Variants in ETV1 observed in about 807,000 individuals in gnomAD.
The protein encoded by ETV1 is ETS translocation variant 1.
A neutral mutation model predicts 62.3 loss-of-function variants in ETV1; 27 were observed. That is an observed-to-expected ratio of 0.43 (90% CI 0.32 to 0.60). The LOEUF (loss-of-function observed/expected upper bound fraction) is 0.60, where lower values mean the gene tolerates loss of function less well. Among genes scored for constraint, ETV1 ranks in the 20% least tolerant of loss-of-function variants. The pLI is 0.06. For synonymous variants in ETV1, 222 were observed against 199.6 expected (o/e 1.11, Z -0.94); for missense variants, 605 against 605.8 (o/e 1.00, Z 0.01).
At chr7:13,970,473 T>C (rs371773151) in intron 6 of ETV1, among the ~76,000 whole-genome samples, 17 of 152,280 alleles carry the variant, frequency 1.1e-4, no homozygotes, top group African/African-American at 4.1e-4. Flanking sequence ...TTTGGTAACA[T>C]GTTTAAATAT....
At chr7:13,913,131 G>C (rs931288278) in intron 9 of ETV1, among the ~76,000 whole-genome samples, 1 of 152,200 alleles carries the variant, frequency 6.6e-6, no homozygotes, top group Non-Finnish European at 1.5e-5. Context: ...CGACTTCAAA[G>C]GCAAATGTTT....
chr7:13,950,544 T>C (rs982859039), intron 6 of ETV1, among the ~76,000 whole-genome samples: 1 of 152,150 alleles, frequency 6.6e-6, no homozygotes, highest in African/African-American at 2.4e-5. Flanking sequence ...GAGGACAGAC[T>C]GGTGGCCTTC....
intron 8 of ETV1, among the ~76,000 whole-genome samples, chr7:13,935,485 T>G (rs1786697341): frequency 6.6e-6 from 1 of 152,184 alleles, no homozygotes; most frequent in Non-Finnish European, 1.5e-5. Flanking sequence ...TAATTTTCCA[T>G]TTTAGCAACC....
intron 5 of ETV1, among the ~76,000 whole-genome samples, chr7:13,980,593 C>A (rs778895997): frequency 1.4e-4 from 21 of 151,988 alleles, no homozygotes; most frequent in Non-Finnish European, 2.8e-4. Flanking sequence ...AAAGTATATA[C>A]CAAAAGACCA....
intron 4 of ETV1, 84 bp from the exon 5 acceptor site, chr7:13,986,769 A>G: frequency 9.8e-7 from 1 of 1,017,330 alleles, no homozygotes; most frequent in Non-Finnish European, 1.5e-6. Context: ...TGAAATTGGT[A>G]TTAAATATAA....
chr7:13,933,170 A>G (rs1786386370), intron 8 of ETV1, among the ~76,000 whole-genome samples: 1 of 152,252 alleles, frequency 6.6e-6, no homozygotes, highest in South Asian at 2.1e-4. Flanking sequence ...TCACTTGTGA[A>G]GCCTTAAAAG....
intron 6 of ETV1, among the ~76,000 whole-genome samples, chr7:13,943,817 C>G (rs1319059867): frequency 1.3e-5 from 2 of 152,052 alleles, no homozygotes; most frequent in South Asian, 4.2e-4. Flanking sequence ...TAAAATTCAT[C>G]AAACTATGCA....
intron 9 of ETV1, among the ~76,000 whole-genome samples, chr7:13,922,595 CCAAAA>C (rs1181506061): frequency 6.6e-6 from 1 of 151,988 alleles, no homozygotes; most frequent in Admixed American, 6.6e-5. Context: ...AACACATCAG[CCAAAA>C]CAAAACAAGA....
At chr7:13,955,383 C>CT (rs1019005939) in intron 6 of ETV1, among the ~76,000 whole-genome samples, 1 of 151,870 alleles carries the variant, frequency 6.6e-6, no homozygotes, top group Non-Finnish European at 1.5e-5. Flanking sequence ...GGCAGGGCCA[C>CT]TTTTTTTTAA....
At chr7:13,902,302 G>T (rs1782522108) in intron 12 of ETV1, among the ~76,000 whole-genome samples, 1 of 151,480 alleles carries the variant, frequency 6.6e-6, no homozygotes, top group South Asian at 2.1e-4. Context: ...ACCGATCCTA[G>T]CTATTTTCCC....
chr7:13,955,804 T>C (rs1789366527), intron 6 of ETV1, among the ~76,000 whole-genome samples: 1 of 152,166 alleles, frequency 6.6e-6, no homozygotes, highest in Non-Finnish European at 1.5e-5. Context: ...TAGCATATTA[T>C]GAGTAATTTT....
intron 5 of ETV1, among the ~76,000 whole-genome samples, chr7:13,978,779 T>C (rs1464042709): frequency 1.3e-5 from 2 of 152,016 alleles, no homozygotes; most frequent in African/African-American, 4.8e-5. Context: ...TAGTTTAATA[T>C]TATTCTTTAA....
intron 6 of ETV1, among the ~76,000 whole-genome samples, chr7:13,960,804 T>C (rs978399012): frequency 6.6e-6 from 1 of 152,176 alleles, no homozygotes; most frequent in Non-Finnish European, 1.5e-5. Flanking sequence ...ACTCAAATTC[T>C]GATTTGTTTT....
At chr7:13,955,827 A>C (rs887588873) in intron 6 of ETV1, among the ~76,000 whole-genome samples, 1 of 151,390 alleles carries the variant, frequency 6.6e-6, no homozygotes, top group Non-Finnish European at 1.5e-5. Context: ...TGATTTCTTA[A>C]AACACTCATT....
At chr7:13,916,854 C>T (rs564437563) in intron 9 of ETV1, among the ~76,000 whole-genome samples, 19 of 150,998 alleles carry the variant, frequency 1.3e-4, no homozygotes, top group African/African-American at 3.9e-4. Context: ...ATGGTTTGAG[C>T]GCAGGAGGCA....
chr7:13,970,264 ACACACACACAC>A (rs1562698468), intron 6 of ETV1, among the ~76,000 whole-genome samples: 3 of 3,470 alleles, frequency 8.6e-4, no homozygotes, highest in African/African-American at 1.2e-3. Context: ...CCATCTCAAA[ACACACACACAC>A]ACACACACAC....
chr7:13,935,441 C>A lies in ETV1; in HGVS notation c.554+267G>T, dbSNP rs78215345. Among the ~76,000 whole-genome samples, 1,052 of 152,188 alleles carry A rather than the reference C, an allele frequency of 6.9e-3. 15 individuals are homozygous for A. The highest frequency in any genetic ancestry group is 0.024 in the African/African-American group (1,005 of 41,502). The stretch of plus-strand genomic sequence containing the variant: ...GTGAAGCAATTTAATTCAAGCAAAG[C>A]GAAAGGGAAATGCTCAAATGTCAGT... On this transcript the variant is annotated intron_variant, in intron 8 of 13. Transcript: ENST00000430479.
chr7:13,975,558 GT>G (rs1781350886), intron 6 of ETV1, among the ~76,000 whole-genome samples: 1 of 104,902 alleles, frequency 9.5e-6, no homozygotes, highest in Non-Finnish European at 1.8e-5. Context: ...GTGAGACTCT[GT>G]CTCAAAAAAA....
intron 11 of ETV1, 76 bp downstream of exon 11, chr7:13,909,556 A>T: frequency 9.4e-7 from 1 of 1,058,462 alleles, no homozygotes; most frequent in Non-Finnish European, 1.5e-6. Flanking sequence ...AGGGATGTCC[A>T]CTGTTTTCAG....
Sources: gnomAD v4.1 joint callset for allele counts (sites outside exome capture counted in the v4.1 genomes callset) on GRCh38, gnomAD v4.1.1 for gene constraint, MANE v1.5 for transcripts, NCBI Gene and HGNC (gene_info 2026-07-23, HGNC 2026-07-21) for gene names.